The following ZNF716 variants were observed in gnomAD, a reference collection of about 807,000 sequenced individuals.
ZNF716 encodes zinc finger protein 716.
In ZNF716, 9 loss-of-function variants were observed where a neutral mutation model predicts 13.4. That is an observed-to-expected ratio of 0.67 (90% CI 0.41 to 1.18). The LOEUF is 1.18. Ranked by LOEUF, ZNF716 falls within the 50% of genes most tolerant of loss-of-function variation. The pLI is 0.01. For missense variants in ZNF716, 581 were observed against 576.6 expected, an observed-to-expected ratio of 1.01 and a Z score of -0.08; for synonymous variants, 186 against 195.2, an observed-to-expected ratio of 0.95 and a Z score of 0.39.
chr7:57,473,045 T>G lies in ZNF716; in HGVS notation c.*3096T>G, dbSNP rs1789974081. The G allele has an allele frequency of 6.6e-6, 1 of 152,162 alleles. No individual in the cohort carries two copies. Among genetic ancestry groups the G allele is most frequent in the Non-Finnish European group, 1.5e-5 (1 of 68,024 alleles). The allele number at this position is 152,162 out of a possible 1,614,324, so 9.4% of individuals were successfully genotyped here. ...TCAATATGTGCAATTGAATTACTATTAACCACAGGGTCATTTTATGATCAT... is the reference window on the plus strand; with the variant it reads ...TCAATATGTGCAATTGAATTACTATGAACCACAGGGTCATTTTATGATCAT... On this transcript the variant is annotated 3_prime_UTR_variant, in exon 4 of 4. Transcript: ENST00000420713.
rs1554324603 is a variant in ZNF716 at position 57,468,984 on chromosome 7, CACAAG to C, written c.532_536del (p.Arg178TyrfsTer9). 1.2e-6 allele frequency: 2 copies of C among 1,608,034 alleles called. No individual in the cohort carries two copies. The highest frequency in any genetic ancestry group is 2.2e-5 in the East Asian group (1 of 44,628). On this transcript the variant is annotated frameshift_variant, in exon 4 of 4. Transcript: ENST00000420713. LOFTEE classifies it low-confidence loss of function (END_TRUNC). ...TGGTAAATTTTCAAATTCCAATAGA[CACAAG>C]ACAAGACATACTGGAAAGAAACATT...
In ZNF716 at chr7:57,469,652, C is replaced by T. The variant is rs1210596090; in HGVS notation, c.1191C>T (p.Tyr397=). 1 of 1,582,978 alleles carries T rather than the reference C, an allele frequency of 6.3e-7. No homozygotes were observed. Among genetic ancestry groups the T allele is most frequent in the Non-Finnish European group, 8.6e-7 (1 of 1,162,258 alleles). Residue 397 remains tyrosine, a synonymous_variant, in exon 4 of 4, where the codon TAC becomes TAT. Transcript: ENST00000420713. ...TTAGCTTACCCTCAACCTTCACTTA[C>T]CACAAGAGAACTCATACTGGAGAGA... ...KAFSLPSTFT[Y]HKRTHTGEKP...
rs782706178 is a variant in ZNF716, at chr7:57,469,802, C to T, written c.1341C>T (p.Phe447=). 5.0e-6 allele frequency: 8 copies of T among 1,604,308 alleles called. No individual in the cohort carries two copies. The South Asian group carries it at 8.9e-5, about 18-fold the overall frequency. The change falls in exon 4 of 4, where the codon TTC becomes TTT. Residue 447 remains phenylalanine (F), a synonymous_variant. Transcript: ENST00000420713. The part of the protein sequence containing the change: ...KCKECGKAFT[F]SSTLNTHKRI... ...AAGAATGTGGGAAAGCCTTTACCTT[C>T]TCCTCAACTCTAAATACTCATAAGA...
At position 57,469,249 on chromosome 7, in the gene ZNF716, A is replaced by G; in HGVS notation, c.788A>G (p.His263Arg). Residue 263 changes from histidine (H) to arginine (R), a missense_variant, in exon 4 of 4, where the codon CAT becomes CGT. Coordinates refer to ENST00000420713, the MANE Select transcript of ZNF716 (RefSeq NM_001159279.1). ...TCCCTTACTAAACATAAGAGAATTC[A>G]TACTGGAGAGAAACCTTACACATGT... ...SASLTKHKRI[H>R]TGEKPYTCEE... 1 of 1,611,980 alleles carries G rather than the reference A, an allele frequency of 6.2e-7. No individual in the cohort carries two copies. The highest frequency in any genetic ancestry group is 8.5e-7 in the Non-Finnish European group (1 of 1,178,850).
chr7:57,467,102 C>T (rs1789830970), intron 3 of ZNF716, among the ~76,000 whole-genome samples: 1 of 151,734 alleles, frequency 6.6e-6, no homozygotes, highest in Non-Finnish European at 1.5e-5. Flanking sequence ...TAATTTACAA[C>T]AGTATATTTT....
intron 1 of ZNF716, among the ~76,000 whole-genome samples, chr7:57,453,761 C>G (rs73345935): frequency 0.036 from 5,464 of 152,252 alleles, 317 homozygotes; most frequent in East Asian, 0.24. Flanking sequence ...TGGGGAATTA[C>G]ATAGATTCAT....
At chr7:57,459,090 T>C (rs2116411093) in intron 1 of ZNF716, among the ~76,000 whole-genome samples, 1 of 152,366 alleles carries the variant, frequency 6.6e-6, no homozygotes, top group African/African-American at 2.4e-5. Context: ...ATTGTATCAT[T>C]TCACATGTTT....
intron 1 of ZNF716, 65 bp from the exon 2 acceptor site, chr7:57,462,395 G>A: frequency 6.4e-7 from 1 of 1,563,492 alleles, no homozygotes; most frequent in Non-Finnish European, 8.7e-7. Context: ...CTCTGCCTAT[G>A]GCAACATGGT....
At chr7:57,467,126 A>T (rs1789831313) in intron 3 of ZNF716, among the ~76,000 whole-genome samples, 1 of 152,116 alleles carries the variant, frequency 6.6e-6, no homozygotes, top group African/African-American at 2.4e-5. Flanking sequence ...CTGGTAAAAA[A>T]ATGACTTCAG....
intron 2 of ZNF716, 55 bp from the exon 3 acceptor site, chr7:57,463,017 TG>T (rs1789735985): frequency 6.3e-7 from 1 of 1,591,766 alleles, no homozygotes; most frequent in Admixed American, 1.8e-5. Flanking sequence ...AATACTTGTT[TG>T]GTAATTAAAG....
intron 1 of ZNF716, 22 bp downstream of exon 1, chr7:57,450,349 G>A (rs781798038): frequency 5.1e-6 from 8 of 1,568,882 alleles, no homozygotes; most frequent in East Asian, 7.3e-5. Flanking sequence ...GTCTGTCACC[G>A]TGAGAGAGGG....
Position 57,471,922 on chromosome 7 carries a change from G to A in ZNF716, c.*1973G>A, listed in dbSNP as rs1293119648. ...TATTTGGAGATTTATAATTACATTC[G>A]AGGTATGCTTCTTTCTTTGTAAAAA... On this transcript the variant is annotated 3_prime_UTR_variant, in exon 4 of 4. Coordinates refer to ENST00000420713, the MANE Select transcript of ZNF716 (RefSeq NM_001159279.1). The A allele has an allele frequency of 4.6e-5, 7 of 152,188 alleles. No homozygotes were observed. In the East Asian group the frequency reaches 1.2e-3, roughly 25 times the overall value. The allele number at this position is 152,188 out of a possible 1,614,324, so 9.4% of individuals were successfully genotyped here.
At chr7:57,457,635 C>T (rs1554322323) in intron 1 of ZNF716, among the ~76,000 whole-genome samples, 1 of 152,164 alleles carries the variant, frequency 6.6e-6, no homozygotes, top group African/African-American at 2.4e-5. Context: ...TGAGCCACCA[C>T]ACCCAGCCAC....
intron 1 of ZNF716, among the ~76,000 whole-genome samples, chr7:57,462,126 A>C (rs1244827103): frequency 6.6e-6 from 1 of 150,952 alleles, no homozygotes; most frequent in African/African-American, 2.4e-5. Context: ...ACGCCACTGC[A>C]CTCCAGCCTG....
chr7:57,469,398 A>G lies in ZNF716; in HGVS notation c.937A>G (p.Asn313Asp). Residue 313 changes from asparagine to aspartate, a missense_variant, in exon 4 of 4, where the codon AAC becomes GAC. Asn to Asp is a conservative substitution (Grantham distance 23, BLOSUM62 1). Transcript: ENST00000420713. ...KAFSRSSTLT[N>D]HKRIHTGERP... is the part of the protein sequence containing the mutation. ...CTTTAGCCGCTCTTCAACACTTACT[A>G]ACCACAAGAGAATTCATACTGGAGA... 1 of 1,613,434 alleles carries G rather than the reference A, an allele frequency of 6.2e-7. No homozygotes were observed. Among genetic ancestry groups the G allele is most frequent in the Non-Finnish European group, 8.5e-7 (1 of 1,179,832 alleles).
At chr7:57,459,445 A>G (rs1220578482) in intron 1 of ZNF716, among the ~76,000 whole-genome samples, 66 of 152,236 alleles carry the variant, frequency 4.3e-4, no homozygotes, top group African/African-American at 1.5e-3. Flanking sequence ...TAGCAGAAGT[A>G]TTAGTATTGT....
chr7:57,455,867 A>G (rs1215428775), intron 1 of ZNF716, among the ~76,000 whole-genome samples: 3 of 151,104 alleles, frequency 2.0e-5, no homozygotes, highest in South Asian at 2.1e-4. Context: ...TATATGCCCC[A>G]TCTTTCCCAA....
chr7:57,464,736 T>C (rs1207596893), intron 3 of ZNF716, among the ~76,000 whole-genome samples: 1 of 152,222 alleles, frequency 6.6e-6, no homozygotes, highest in Admixed American at 6.5e-5. Context: ...TCTAAGTATT[T>C]TGTTGAAAAA....
At position 57,472,305 on chromosome 7, in the gene ZNF716, A is replaced by T. The variant is rs1789957434; in HGVS notation, c.*2356A>T. The T allele has an allele frequency of 6.6e-6, 1 of 152,224 alleles. No homozygotes were observed. Among genetic ancestry groups the T allele is most frequent in the Non-Finnish European group, 1.5e-5 (1 of 68,042 alleles). The allele number at this position is 152,224 out of a possible 1,614,324, so 9.4% of individuals were successfully genotyped here. ...ATCAATTGTACCTTTATGTAAACAA[A>T]GTTGTTTTTAATGAGCTAAAACTAT... is the stretch of plus-strand genomic sequence containing the variant. On this transcript the variant is annotated 3_prime_UTR_variant, in exon 4 of 4. Transcript: ENST00000420713.
Sources: gnomAD v4.1 joint callset for allele counts (sites outside exome capture counted in the v4.1 genomes callset) on GRCh38, gnomAD v4.1.1 for gene constraint, MANE v1.5 for transcripts, NCBI Gene and HGNC (gene_info 2026-07-23, HGNC 2026-07-21) for gene names.